The following BLK variants were observed in gnomAD, a reference collection of about 807,000 sequenced individuals.
BLK encodes the protein tyrosine-protein kinase Blk.
In BLK, 64 loss-of-function variants were observed where a neutral mutation model predicts 61.8. That is an observed-to-expected ratio of 1.03 (90% confidence interval 0.85 to 1.27). BLK has a LOEUF of 1.27. Among genes scored for constraint, BLK ranks in the 50% most tolerant of loss-of-function variants. The pLI is 0.00. For missense variants in BLK, 853 were observed against 660.5 expected, an observed-to-expected ratio of 1.29 and a Z score of -3.19; for synonymous variants, 351 against 272.0, an observed-to-expected ratio of 1.29 and a Z score of -2.86.
At chr8:11,556,268 T>A (rs991220009) in intron 8 of BLK, 13 of 319,808 alleles carry the variant, frequency 4.1e-5, no homozygotes, top group Admixed American at 8.3e-5. Flanking sequence ...GAGACCCCCA[T>A]GCGTCATCCT....
At chr8:11,555,638 G>A (rs766782778) in intron 8 of BLK, 154 bp downstream of exon 8, 201 of 1,239,522 alleles carry the variant, frequency 1.6e-4, no homozygotes, top group Non-Finnish European at 2.2e-4. Flanking sequence ...TTACAGAGGA[G>A]GAAGTGGAGG....
At chr8:11,559,958 T>C (rs1801414153) in intron 10 of BLK, 2 of 389,678 alleles carry the variant, frequency 5.1e-6, no homozygotes, top group South Asian at 3.9e-5. Context: ...CTACTCAACA[T>C]TTTTTAAAAT....
intron 1 of BLK, among the ~76,000 whole-genome samples, chr8:11,529,938 G>A (rs981664777): frequency 6.6e-6 from 1 of 152,148 alleles, no homozygotes; most frequent in Non-Finnish European, 1.5e-5. Context: ...AACCAAATAT[G>A]GGGTCATCAG....
chr8:11,537,395 C>G (rs959408114), intron 1 of BLK, among the ~76,000 whole-genome samples: 1 of 152,300 alleles, frequency 6.6e-6, no homozygotes, highest in African/African-American at 2.4e-5. Flanking sequence ...CCTGTTCTAC[C>G]TGGATGCTAC....
In BLK at chr8:11,525,392, C is replaced by G. The variant is rs192276645; in HGVS notation, c.-1-17832C>G. 7.9e-5 allele frequency among the ~76,000 whole-genome samples: 12 copies of G among 152,242 alleles called. No homozygotes were observed. In the East Asian group the frequency reaches 2.1e-3, roughly 27 times the overall value. On this transcript the variant is annotated intron_variant, in intron 1 of 12. Transcript: ENST00000259089. Reference sequence around the variant, plus strand: ...GTAGTTTGATTTTTACCAAAAATGTCCAGGTATTTTCTTTTCATCTGCAAA... The same window carrying G: ...GTAGTTTGATTTTTACCAAAAATGTGCAGGTATTTTCTTTTCATCTGCAAA...
intron 1 of BLK, among the ~76,000 whole-genome samples, chr8:11,534,274 G>C (rs959058136): frequency 6.6e-6 from 1 of 152,164 alleles, no homozygotes; most frequent in African/African-American, 2.4e-5. Flanking sequence ...TTGAAAAATA[G>C]GTTAAGGCCC....
rs759861457 is a variant in BLK, at chr8:11,563,125, C to G, written c.1312+15C>G. ...GCCATACCCAGGTAGGTGGCTCACC[C>G]CGCAGCTCGCGGCTCCCTGCTTTCC... On this transcript the variant is annotated intron_variant, in intron 12 of 12. Transcript: ENST00000259089. The G allele has an allele frequency of 6.2e-7, 1 of 1,613,430 alleles. No homozygotes were observed. Among genetic ancestry groups the G allele is most frequent in the Non-Finnish European group, 8.5e-7 (1 of 1,179,964 alleles).
chr8:11,508,289 C>T (rs1798862013), intron 1 of BLK, among the ~76,000 whole-genome samples: 1 of 152,158 alleles, frequency 6.6e-6, no homozygotes, highest in African/African-American at 2.4e-5. Flanking sequence ...GACACATGCA[C>T]AGCTACTGGG....
At chr8:11,559,816 A>G (rs1801407130) in intron 10 of BLK, 1 of 456,084 alleles carries the variant, frequency 2.2e-6, no homozygotes. Context: ...CCATGGCTCA[A>G]GCGTAATGTC....
intron 1 of BLK, among the ~76,000 whole-genome samples, chr8:11,524,063 T>C (rs1334773307): frequency 6.6e-6 from 1 of 152,232 alleles, no homozygotes; most frequent in Non-Finnish European, 1.5e-5. Flanking sequence ...CAACAATGTT[T>C]ACTGTGGGTT....
chr8:11,505,239 T>C (rs1798725172), intron 1 of BLK, among the ~76,000 whole-genome samples: 1 of 152,258 alleles, frequency 6.6e-6, no homozygotes, highest in Non-Finnish European at 1.5e-5. Flanking sequence ...ATCTATTTTG[T>C]AGAAATCTAG....
At chr8:11,518,761 C>G (rs1248629160) in intron 1 of BLK, among the ~76,000 whole-genome samples, 1 of 152,150 alleles carries the variant, frequency 6.6e-6, no homozygotes, top group Non-Finnish European at 1.5e-5. Context: ...CCCAGCTGGT[C>G]TCTGGGCCCT....
intron 1 of BLK, among the ~76,000 whole-genome samples, chr8:11,513,512 C>G (rs1799104101): frequency 6.6e-6 from 1 of 152,190 alleles, no homozygotes; most frequent in Admixed American, 6.5e-5. Context: ...GCTGTCTGTC[C>G]CTCAGCATCC....
In BLK at chr8:11,557,774, G is replaced by C. The variant is rs1252840554; in HGVS notation, c.953-188G>C. On this transcript the variant is annotated intron_variant, in intron 9 of 12. Transcript: ENST00000259089. Reference sequence around the variant, plus strand: ...TATTGGCTGCCTCCCGGGGTGCTGAGACTGGCATTTTGTAAAGTGGAAGGC... The same window carrying C: ...TATTGGCTGCCTCCCGGGGTGCTGACACTGGCATTTTGTAAAGTGGAAGGC... 1.0e-5 allele frequency: 6 copies of C among 599,582 alleles called. 1 individual carries two copies. Among genetic ancestry groups the C allele is most frequent in the South Asian group, 6.9e-5 (4 of 58,230 alleles). 37.1% of individuals were successfully genotyped at this position (599,582 alleles called of 1,614,324 possible). A position where few individuals can be genotyped will look rare whatever the true frequency, so the allele number is the denominator to read the frequency against.
chr8:11,518,687 T>A (rs527441122), intron 1 of BLK, among the ~76,000 whole-genome samples: 1 of 152,138 alleles, frequency 6.6e-6, no homozygotes, highest in Non-Finnish European at 1.5e-5. Context: ...TAAAGGTAAG[T>A]CAGCTCCTCC....
intron 1 of BLK, among the ~76,000 whole-genome samples, chr8:11,532,229 CG>C (rs1410187428): frequency 4.2e-5 from 4 of 95,340 alleles, no homozygotes; most frequent in South Asian, 3.1e-4. Context: ...GACAAAATCT[CG>C]CTCTGTTGCC....
At chr8:11,513,671 C>G (rs1478859074) in intron 1 of BLK, among the ~76,000 whole-genome samples, 1 of 152,192 alleles carries the variant, frequency 6.6e-6, no homozygotes, top group East Asian at 1.9e-4. Context: ...AAAATTCATA[C>G]CAAGTGATCC....
intron 1 of BLK, among the ~76,000 whole-genome samples, chr8:11,508,243 G>T (rs1465716561): frequency 6.6e-6 from 1 of 152,216 alleles, no homozygotes; most frequent in Non-Finnish European, 1.5e-5. Context: ...CGGCGCGAAG[G>T]CTAAGCACAT....
intron 9 of BLK, among the ~76,000 whole-genome samples, chr8:11,557,412 G>A (rs542065421): frequency 2.0e-5 from 3 of 152,288 alleles, no homozygotes; most frequent in South Asian, 4.1e-4. Context: ...AGGGGCCCCC[G>A]GTCGGAGGCT....
Sources: gnomAD v4.1 joint callset for allele counts (sites outside exome capture counted in the v4.1 genomes callset) on GRCh38, gnomAD v4.1.1 for gene constraint, MANE v1.5 for transcripts, NCBI Gene and HGNC (gene_info 2026-07-23, HGNC 2026-07-21) for gene names.